ABTB2: variants seen among roughly 807,000 people sequenced by gnomAD.
The protein encoded by ABTB2 is ankyrin repeat and BTB/POZ domain-containing protein 2.
In ABTB2, 56 loss-of-function variants were observed where a neutral mutation model predicts 104.1. That is an observed-to-expected ratio of 0.54 (90% CI 0.43 to 0.67). The LOEUF is 0.67. Among genes scored for constraint, ABTB2 ranks in the 30% least tolerant of loss-of-function variants. The pLI is 0.00. For synonymous variants in ABTB2, 606 were observed against 608.2 expected (o/e 1.00, Z 0.05); for missense variants, 1,279 against 1,407.7 (o/e 0.91, Z 1.46).
Position 34,357,750 on chromosome 11 carries a change from G to T in ABTB2, c.-167C>A, listed in dbSNP as rs988168763. ...GCCTGCCCGGAGGCCGCGGGAAGGT[G>T]GCCGAGATCCGTGGCCAGCAGGAGC... On this transcript the variant is annotated 5_prime_UTR_variant, in exon 1 of 17. Coordinates refer to ENST00000435224, the MANE Select transcript of ABTB2 (RefSeq NM_145804.3). The T allele has an allele frequency of 1.3e-6, 1 of 751,628 alleles. No homozygotes were observed. The highest frequency in any genetic ancestry group is 2.0e-6 in the Non-Finnish European group (1 of 502,784). The allele number at this position is 751,628 out of a possible 1,614,324, so 46.6% of individuals were successfully genotyped here.
At chr11:34,284,297 T>C (rs1440539852) in intron 1 of ABTB2, among the ~76,000 whole-genome samples, 1 of 152,130 alleles carries the variant, frequency 6.6e-6, no homozygotes, top group Admixed American at 6.6e-5. Flanking sequence ...AGGCCACTGG[T>C]GATTAATGAG....
intron 3 of ABTB2, among the ~76,000 whole-genome samples, chr11:34,188,838 A>G (rs764183515): frequency 6.6e-6 from 1 of 152,242 alleles, no homozygotes; most frequent in African/African-American, 2.4e-5. Context: ...CTCTTTATGT[A>G]AAGTGCTGTC....
At chr11:34,290,632 A>G (rs1410486095) in intron 1 of ABTB2, among the ~76,000 whole-genome samples, 4 of 152,228 alleles carry the variant, frequency 2.6e-5, no homozygotes, top group African/African-American at 9.6e-5. Context: ...GCCTGAGGCC[A>G]GGAGTTCAAG....
At chr11:34,266,789 C>T (rs1486537608) in intron 1 of ABTB2, among the ~76,000 whole-genome samples, 1 of 152,098 alleles carries the variant, frequency 6.6e-6, no homozygotes, top group Non-Finnish European at 1.5e-5. Flanking sequence ...CCCCTGTGCC[C>T]TCTGTAGACA....
chr11:34,243,570 C>A (rs1853948073), intron 1 of ABTB2, among the ~76,000 whole-genome samples: 1 of 152,232 alleles, frequency 6.6e-6, no homozygotes, highest in African/African-American at 2.4e-5. Context: ...CTTTGATCCG[C>A]AAGGATAATC....
Position 34,154,770 on chromosome 11 carries a change from C to G in ABTB2, c.2698-1G>C. 1 of 1,614,088 alleles carries G rather than the reference C, an allele frequency of 6.2e-7. No homozygotes were observed. Among genetic ancestry groups the G allele is most frequent in the Non-Finnish European group, 8.5e-7 (1 of 1,179,970 alleles). On this transcript the variant is annotated splice_acceptor_variant, in intron 14 of 16. Coordinates refer to ENST00000435224, the MANE Select transcript of ABTB2 (RefSeq NM_145804.3). LOFTEE classifies it high-confidence loss of function. The surrounding 1 kb of genome is among the most constrained non-coding windows in gnomAD (Gnocchi z 4.9). ...CGTAGTACAGATACTGCATCATCATCTGTGGTGGGAAGAGGCCCATGTGAA... is the reference window on the plus strand; with the variant it reads ...CGTAGTACAGATACTGCATCATCATGTGTGGTGGGAAGAGGCCCATGTGAA...
chr11:34,338,469 G>A (rs533216833), intron 1 of ABTB2, among the ~76,000 whole-genome samples: 1 of 151,822 alleles, frequency 6.6e-6, no homozygotes, highest in African/African-American at 2.4e-5. Flanking sequence ...GGTCGAGGTG[G>A]GTAGATCACT....
intron 1 of ABTB2, among the ~76,000 whole-genome samples, chr11:34,326,014 A>ATAAAATAAAATAAAATAAAG (rs1491186167): frequency 6.9e-6 from 1 of 143,914 alleles, no homozygotes; most frequent in Non-Finnish European, 1.5e-5. Context: ...ATAAAATAAA[A>ATAAAATAAAATAAAATAAAG]TAAAGAAAAA....
intron 14 of ABTB2, among the ~76,000 whole-genome samples, chr11:34,159,050 G>C (rs895999547): frequency 2.0e-5 from 3 of 152,186 alleles, no homozygotes; most frequent in African/African-American, 7.2e-5. Context: ...TCTGTCTGCA[G>C]GCTGCCCAGA....
intron 14 of ABTB2, among the ~76,000 whole-genome samples, chr11:34,158,478 ATC>A (rs1321394582): frequency 6.6e-6 from 1 of 152,130 alleles, no homozygotes; most frequent in Non-Finnish European, 1.5e-5. Flanking sequence ...GGGGTTTGCA[ATC>A]TCTCCTATTA....
intron 1 of ABTB2, among the ~76,000 whole-genome samples, chr11:34,305,615 A>G (rs1590249137): frequency 6.6e-6 from 1 of 152,270 alleles, no homozygotes; most frequent in African/African-American, 2.4e-5. Context: ...ATATCTTAAT[A>G]TATTTCATTC....
At chr11:34,255,983 C>T (rs185505508) in intron 1 of ABTB2, among the ~76,000 whole-genome samples, 1 of 152,172 alleles carries the variant, frequency 6.6e-6, no homozygotes, top group Non-Finnish European at 1.5e-5. Context: ...ACTACCCAGC[C>T]CAGTTTTCAG....
In ABTB2 at chr11:34,152,298, T is replaced by C. The variant is rs917561899; in HGVS notation, c.*89A>G. ...GGAGGAGGAAACAGCCCCGTGAACC[T>C]GGCTCCAAGAGGGCCTACAACCATA... is the stretch of plus-strand genomic sequence containing the variant. On this transcript the variant is annotated 3_prime_UTR_variant, in exon 17 of 17. Coordinates refer to ENST00000435224, the MANE Select transcript of ABTB2 (RefSeq NM_145804.3). 3.0e-5 allele frequency: 42 copies of C among 1,407,618 alleles called. No individual in the cohort carries two copies. The highest frequency in any genetic ancestry group is 4.3e-5 in the African/African-American group (3 of 69,970). The allele number at this position is 1,407,618 out of a possible 1,614,324, so 87.2% of individuals were successfully genotyped here.
At chr11:34,256,391 C>T (rs969576752) in intron 1 of ABTB2, among the ~76,000 whole-genome samples, 1 of 152,088 alleles carries the variant, frequency 6.6e-6, no homozygotes, top group Non-Finnish European at 1.5e-5. Context: ...AGGAATACTG[C>T]AGTATTTCAG....
intron 1 of ABTB2, among the ~76,000 whole-genome samples, chr11:34,292,394 C>T (rs1009089925): frequency 1.4e-4 from 21 of 151,120 alleles, no homozygotes; most frequent in African/African-American, 3.7e-4. Context: ...TAGTTTTCCT[C>T]GGGTTCTTTT....
chr11:34,281,183 G>A (rs1488033884), intron 1 of ABTB2, among the ~76,000 whole-genome samples: 1 of 152,184 alleles, frequency 6.6e-6, no homozygotes, highest in Non-Finnish European at 1.5e-5. Context: ...CCCCCATCCA[G>A]TGTACAGGTG....
chr11:34,303,306 G>T (rs1366060029), intron 1 of ABTB2, among the ~76,000 whole-genome samples: 1 of 152,166 alleles, frequency 6.6e-6, no homozygotes, highest in South Asian at 2.1e-4. Flanking sequence ...CCACTCCATC[G>T]CACAGCCTAC....
intron 1 of ABTB2, among the ~76,000 whole-genome samples, chr11:34,341,963 G>A (rs1029960615): frequency 6.6e-6 from 1 of 152,136 alleles, no homozygotes; most frequent in Admixed American, 6.5e-5. Flanking sequence ...ACTTAGGAAA[G>A]GTTGCCACAT....
intron 1 of ABTB2, among the ~76,000 whole-genome samples, chr11:34,296,764 GGAGTAAACA>G (rs572177019): frequency 7.9e-5 from 12 of 152,192 alleles, no homozygotes; most frequent in Non-Finnish European, 1.6e-4. Context: ...TTCTTTTAAA[GGAGTAAACA>G]GAGAAATGGT....
Sources: gnomAD v4.1 joint callset for allele counts (sites outside exome capture counted in the v4.1 genomes callset) on GRCh38, gnomAD v4.1.1 for gene constraint, Gnocchi (gnomAD v3.1) non-coding constraint, MANE v1.5 for transcripts, NCBI Gene and HGNC (gene_info 2026-07-23, HGNC 2026-07-21) for gene names.